Variants in LPAR1 observed in about 807,000 individuals in gnomAD.
The protein encoded by LPAR1 is lysophosphatidic acid receptor 1, also known as LPA receptor 1.
In LPAR1, 5 loss-of-function variants were observed where a neutral mutation model predicts 23.8. The ratio of observed to expected loss-of-function variants is 0.21; its 90% CI spans 0.11 to 0.44. LPAR1 has a LOEUF of 0.44. Ranked by LOEUF, LPAR1 falls within the 20% of genes least tolerant of loss-of-function variation. The pLI is 0.99. For synonymous variants in LPAR1, 160 were observed against 164.7 expected, an observed-to-expected ratio of 0.97 and a Z score of 0.22; for missense variants, 311 against 482.8, an observed-to-expected ratio of 0.64 and a Z score of 3.33.
intron 5 of LPAR1, among the ~76,000 whole-genome samples, chr9:110,929,698 ATGTGTGTGTGTGTGTGTGTGTGTGTG>A (rs71371696): frequency 1.4e-5 from 2 of 146,240 alleles, no homozygotes; most frequent in African/African-American, 2.5e-5. Context: ...CCAGCCAATA[ATGTGTGTGTGTGTGTGTGTGTGTGTG>A]TGTGTGTGTG....
chr9:110,906,888 G>C (rs879323403), intron 5 of LPAR1, among the ~76,000 whole-genome samples: 5,681 of 152,094 alleles, frequency 0.037, 172 homozygotes, highest in Non-Finnish European at 0.047. Context: ...CCAACTTAAG[G>C]ATGAAGGAAG....
chr9:111,005,323 C>T (rs112231548), intron 2 of LPAR1, among the ~76,000 whole-genome samples: 1,980 of 151,402 alleles, frequency 0.013, 44 homozygotes, highest in African/African-American at 0.045. Context: ...CCTGTAATCC[C>T]AGCACTGTAG....
At chr9:110,996,672 T>C (rs1240925663) in intron 2 of LPAR1, among the ~76,000 whole-genome samples, 2 of 152,164 alleles carry the variant, frequency 1.3e-5, no homozygotes, top group African/African-American at 4.8e-5. Context: ...CTCTAAATCT[T>C]TTGTATTCCC....
At chr9:110,896,629 A>G (rs559367616) in intron 5 of LPAR1, among the ~76,000 whole-genome samples, 1 of 152,138 alleles carries the variant, frequency 6.6e-6, no homozygotes, top group Non-Finnish European at 1.5e-5. Context: ...AGAATAGTAC[A>G]CTAAGGATTA....
intron 5 of LPAR1, among the ~76,000 whole-genome samples, chr9:110,938,112 G>C (rs2094846177): frequency 6.6e-6 from 1 of 152,156 alleles, no homozygotes. Flanking sequence ...CTTTGTACCA[G>C]ATAGCCGTGA....
chr9:110,904,868 T>C (rs1191089358), intron 5 of LPAR1, among the ~76,000 whole-genome samples: 1 of 152,210 alleles, frequency 6.6e-6, no homozygotes, highest in African/African-American at 2.4e-5. Flanking sequence ...CTCTGAAAAC[T>C]GTAAGAAAGT....
At chr9:110,970,206 G>A (rs779456199) in intron 4 of LPAR1, among the ~76,000 whole-genome samples, 6 of 152,158 alleles carry the variant, frequency 3.9e-5, no homozygotes, top group Non-Finnish European at 1.5e-5. Context: ...GATGACAGCA[G>A]CAAACCGGGA....
intron 2 of LPAR1, among the ~76,000 whole-genome samples, chr9:110,987,919 CAAAG>C (rs1194528572): frequency 1.3e-5 from 2 of 151,118 alleles, no homozygotes; most frequent in Non-Finnish European, 2.9e-5. Context: ...GCACAGGAAA[CAAAG>C]AAAAATGCAC....
At chr9:110,987,818 G>C (rs1459141520) in intron 2 of LPAR1, among the ~76,000 whole-genome samples, 2 of 151,852 alleles carry the variant, frequency 1.3e-5, no homozygotes, top group Non-Finnish European at 2.9e-5. Flanking sequence ...ACACGTAACT[G>C]GAGTCCCCAA....
At position 111,038,270 on chromosome 9, in the gene LPAR1, GC is replaced by G. The variant is rs2097936435; in HGVS notation, c.-366del. 1 of 148,234 alleles carries G rather than the reference GC, an allele frequency of 6.7e-6. No individual in the cohort carries two copies. Among genetic ancestry groups the G allele is most frequent in the Non-Finnish European group, 1.5e-5 (1 of 66,550 alleles). 9.2% of individuals were successfully genotyped at this position (148,234 alleles called of 1,614,324 possible). On this transcript the variant is annotated 5_prime_UTR_variant, in exon 1 of 6. Transcript: ENST00000683809. This position sits in a 1 kb window ranked among gnomAD's most constrained non-coding sequence, Gnocchi z 4.4. ...CCCGCCCCACCGCCAGCCGAGCCCG[GC>G]CCTCCGCCCGCCCCTCGGCAGTCGC...
In LPAR1 at chr9:110,873,325, C is replaced by A. The variant is rs577046500; in HGVS notation, c.*2096G>T. 11 of 152,302 alleles carry A rather than the reference C, an allele frequency of 7.2e-5. No homozygotes were observed. In the East Asian group the frequency reaches 2.1e-3, roughly 29 times the overall value. 9.4% of individuals were successfully genotyped at this position (152,302 alleles called of 1,614,324 possible). A position where few individuals can be genotyped will look rare whatever the true frequency, so the allele number is the denominator to read the frequency against. On this transcript the variant is annotated 3_prime_UTR_variant, in exon 6 of 6. Transcript: ENST00000683809. ...TTTTCATTTCAAATAATCCATATAG[C>A]CTCCAGAAAAATATGCACATGTGTA...
At position 110,873,876 on chromosome 9, in the gene LPAR1, TCAAA is replaced by T. The variant is rs1486800137; in HGVS notation, c.*1541_*1544del. On this transcript the variant is annotated 3_prime_UTR_variant, in exon 6 of 6. Coordinates refer to ENST00000683809, the MANE Select transcript of LPAR1 (RefSeq NM_001351411.2). ...TACCAAGAGCTGGATAACGAGTCCC[TCAAA>T]CAAAGTTTGGAATTGCGAGATATAT... 10 of 152,330 alleles carry T rather than the reference TCAAA, an allele frequency of 6.6e-5. No individual in the cohort carries two copies. Among genetic ancestry groups the T allele is most frequent in the African/African-American group, 2.4e-4 (10 of 41,454 alleles). 9.4% of individuals were successfully genotyped at this position (152,330 alleles called of 1,614,324 possible).
At chr9:110,883,601 C>A (rs1214206315) in intron 5 of LPAR1, among the ~76,000 whole-genome samples, 1 of 152,082 alleles carries the variant, frequency 6.6e-6, no homozygotes, top group Non-Finnish European at 1.5e-5. Flanking sequence ...AAATGTGATG[C>A]CCTTAATTCT....
chr9:110,912,687 A>G (rs1326899), intron 5 of LPAR1, among the ~76,000 whole-genome samples: 70,061 of 151,986 alleles, frequency 0.46, 17,983 homozygotes, highest in African/African-American at 0.7. Context: ...ATAGCCATAA[A>G]TTTCTTGCTG....
At chr9:110,977,356 A>T (rs1480574393) in intron 2 of LPAR1, among the ~76,000 whole-genome samples, 1 of 152,114 alleles carries the variant, frequency 6.6e-6, no homozygotes, top group Non-Finnish European at 1.5e-5. Context: ...CACAGAAAAC[A>T]CATGGGAAAA....
At chr9:110,974,200 G>T (rs1218366615) in intron 2 of LPAR1, among the ~76,000 whole-genome samples, 1 of 151,942 alleles carries the variant, frequency 6.6e-6, no homozygotes, top group Non-Finnish European at 1.5e-5. Flanking sequence ...CCTTTAAGGA[G>T]CTTTTGTCTG....
At chr9:111,004,960 A>G (rs1375341322) in intron 2 of LPAR1, among the ~76,000 whole-genome samples, 1 of 151,946 alleles carries the variant, frequency 6.6e-6, no homozygotes, top group Non-Finnish European at 1.5e-5. Context: ...CATGAATTTG[A>G]GACAAGCCTG....
chr9:110,990,992 C>A (rs1326368697), intron 2 of LPAR1, among the ~76,000 whole-genome samples: 2 of 152,094 alleles, frequency 1.3e-5, no homozygotes, highest in African/African-American at 4.8e-5. Context: ...ATTTTAAAAT[C>A]ATGGTGGAAC....
intron 5 of LPAR1, among the ~76,000 whole-genome samples, chr9:110,879,014 C>G (rs1356700271): frequency 6.6e-6 from 1 of 152,128 alleles, no homozygotes; most frequent in African/African-American, 2.4e-5. Flanking sequence ...AAATATAGTA[C>G]TCAGTAGTCA....
Sources: gnomAD v4.1 joint callset for allele counts (sites outside exome capture counted in the v4.1 genomes callset) on GRCh38, gnomAD v4.1.1 for gene constraint, Gnocchi (gnomAD v3.1) non-coding constraint, MANE v1.5 for transcripts, NCBI Gene and HGNC (gene_info 2026-07-23, HGNC 2026-07-21) for gene names.